The following DNAH3 variants were observed in gnomAD, a reference collection of about 807,000 sequenced individuals.
DNAH3 encodes the protein dynein axonemal heavy chain 3.
A neutral mutation model predicts 432.5 loss-of-function variants in DNAH3; 332 were observed. The observed-to-expected ratio is 0.77, with a 90% CI of 0.70 to 0.84. The LOEUF (loss-of-function observed/expected upper bound fraction) is 0.84, where lower values mean the gene tolerates loss of function less well. DNAH3 is among the 40% of genes least tolerant of loss of function. The probability of loss-of-function intolerance (pLI) is 0.00; values close to 1 mark genes in which losing one functional copy is unlikely to be tolerated. For synonymous variants in DNAH3, 1,956 were observed against 1,900.2 expected, an observed-to-expected ratio of 1.03 and a Z score of -0.76; for missense variants, 4,861 against 5,114.0, an observed-to-expected ratio of 0.95 and a Z score of 1.51.
At chr16:21,020,350 A>ATATATATATATATATATATATGTC (rs1567647528) in intron 40 of DNAH3, among the ~76,000 whole-genome samples, 4 of 11,618 alleles carry the variant, frequency 3.4e-4, no homozygotes, top group African/African-American at 2.7e-3. Flanking sequence ...TAGTGTGTGT[A>ATATATATATATATATATATATGTC]TATATATATA....
At chr16:21,049,860 G>T in intron 30 of DNAH3, 50 bp downstream of exon 30, 1 of 1,491,052 alleles carries the variant, frequency 6.7e-7, no homozygotes, top group Admixed American at 1.7e-5. Flanking sequence ...CACAGGAGGG[G>T]TGCAGAGAGG....
At chr16:21,111,555 G>T in intron 14 of DNAH3, 71 bp downstream of exon 14, 1 of 1,467,788 alleles carries the variant, frequency 6.8e-7, no homozygotes, top group Non-Finnish European at 9.4e-7. Context: ...GAAGGTGCAA[G>T]TTCTGGTCAC....
At chr16:21,083,365 C>G (rs1314725333) in intron 19 of DNAH3, among the ~76,000 whole-genome samples, 1 of 152,110 alleles carries the variant, frequency 6.6e-6, no homozygotes, top group Non-Finnish European at 1.5e-5. Context: ...AAGCAAGGAA[C>G]CCAGAAGTAG....
exon 53 of DNAH3, chr16:20,965,421 C>A (rs937540642): frequency 2.1e-5 from 32 of 1,514,224 alleles, no homozygotes; most frequent in Non-Finnish European, 2.7e-5. Context: ...CTTCTATCAT[C>A]TTACCTATTT....
chr16:21,120,942 T>A (rs1262453151), intron 10 of DNAH3: 2 of 947,676 alleles, frequency 2.1e-6, no homozygotes, highest in Non-Finnish European at 3.4e-6. Context: ...CTGCCCAGTG[T>A]TTCTTCTCCT....
At chr16:21,118,479 G>A (rs1365539772) in intron 11 of DNAH3, among the ~76,000 whole-genome samples, 2 of 151,986 alleles carry the variant, frequency 1.3e-5, no homozygotes, top group East Asian at 1.9e-4. Context: ...TGTCACCCAG[G>A]CTGGAGTGCA....
intron 60 of DNAH3, among the ~76,000 whole-genome samples, chr16:20,935,841 C>T (rs2152564485): frequency 7.1e-6 from 1 of 141,074 alleles, no homozygotes; most frequent in East Asian, 2.2e-4. Flanking sequence ...GAAACTTCAT[C>T]TCAAAAAAAA....
exon 53 of DNAH3, chr16:20,965,088 C>A: frequency 6.2e-7 from 1 of 1,614,160 alleles, no homozygotes; most frequent in East Asian, 2.2e-5. Flanking sequence ...GCCGATCTAC[C>A]ACCAGCTTCA....
chr16:21,093,602 G>A (rs2091597656), intron 18 of DNAH3, among the ~76,000 whole-genome samples: 1 of 151,686 alleles, frequency 6.6e-6, no homozygotes, highest in South Asian at 2.1e-4. Context: ...AAAAATAAAG[G>A]GACTAAAATA....
At chr16:21,075,395 C>T (rs2152767132) in intron 21 of DNAH3, 52 bp downstream of exon 21, 2 of 1,207,166 alleles carry the variant, frequency 1.7e-6, no homozygotes, top group Non-Finnish European at 2.5e-6. Context: ...TAATCTATTG[C>T]ATAATAAATG....
chr16:21,141,398 C>T (rs1299811790), intron 3 of DNAH3, 26 bp from the exon 5 acceptor site: 1 of 1,539,656 alleles, frequency 6.5e-7, no homozygotes, highest in South Asian at 1.2e-5. Flanking sequence ...AGAAAGACAT[C>T]AGTGATGGGC....
chr16:21,052,295 A>G (rs759074891), intron 28 of DNAH3, among the ~76,000 whole-genome samples: 4 of 152,154 alleles, frequency 2.6e-5, no homozygotes, highest in Non-Finnish European at 5.9e-5. Flanking sequence ...CCCAGCCCAA[A>G]CAATTTTAGA....
chr16:21,107,440 A>G (rs1019001498), intron 14 of DNAH3, among the ~76,000 whole-genome samples: 3 of 151,956 alleles, frequency 2.0e-5, no homozygotes, highest in African/African-American at 7.2e-5. Flanking sequence ...GGGTTTTGCC[A>G]TGTTGGCCAG....
chr16:21,034,038 G>T, exon 36 of DNAH3: 1 of 1,613,730 alleles, frequency 6.2e-7, no homozygotes, highest in Non-Finnish European at 8.5e-7. Flanking sequence ...CGCCCATGGG[G>T]TCTCCTACAA....
chr16:21,119,904 G>T (rs1390780206), intron 11 of DNAH3, among the ~76,000 whole-genome samples: 1 of 152,106 alleles, frequency 6.6e-6, no homozygotes, highest in East Asian at 1.9e-4. Context: ...TGGCCAGGCT[G>T]GTATTGAACG....
chr16:20,974,792 T>C (rs1275558567), intron 51 of DNAH3, among the ~76,000 whole-genome samples: 3 of 151,268 alleles, frequency 2.0e-5, no homozygotes, highest in Non-Finnish European at 2.9e-5. Context: ...TTATCAGCTA[T>C]GTGATGCTGG....
In DNAH3 at chr16:20,952,416, A is replaced by C; in HGVS notation, c.11188+17T>G. The C allele has an allele frequency of 6.6e-7, 1 of 1,505,920 alleles. No homozygotes were observed. The highest frequency in any genetic ancestry group is 9.2e-7 in the Non-Finnish European group (1 of 1,083,298). The allele number at this position is 1,505,920 out of a possible 1,614,324, so 93.3% of individuals were successfully genotyped here. A position where few individuals can be genotyped will look rare whatever the true frequency, so the allele number is the denominator to read the frequency against. On this transcript the variant is annotated intron_variant, in intron 56 of 61. Transcript: ENST00000261383. Reference sequence around the variant, plus strand: ...GATACTGGAGGTTTACAGTGGAAAAACTCCTCCCGTAAATACCTGTCAGGT... The same window carrying C: ...GATACTGGAGGTTTACAGTGGAAAACCTCCTCCCGTAAATACCTGTCAGGT...
intron 20 of DNAH3, among the ~76,000 whole-genome samples, chr16:21,076,490 C>A (rs1161834574): frequency 5.3e-5 from 8 of 152,182 alleles, no homozygotes; most frequent in African/African-American, 1.7e-4. Flanking sequence ...TTATTCCGGA[C>A]TGAGCTCCTG....
intron 44 of DNAH3, among the ~76,000 whole-genome samples, chr16:20,996,073 T>C (rs766878663): frequency 1.3e-4 from 20 of 152,262 alleles, no homozygotes; most frequent in Non-Finnish European, 2.5e-4. Context: ...GTAAGTGTTG[T>C]TTATAGCTTT....
Sources: allele counts gnomAD v4.1 joint callset (sites outside exome capture counted in the v4.1 genomes callset), GRCh38; gene constraint gnomAD v4.1.1; transcripts MANE v1.5; gene names NCBI Gene and HGNC (gene_info 2026-07-23, HGNC 2026-07-21).